Variants in DAB1 observed in about 807,000 individuals in gnomAD.
DAB1 encodes DAB adaptor protein 1.
Under a neutral mutation model 64.6 loss-of-function variants are expected in DAB1, and 15 were observed. That is an observed-to-expected ratio of 0.23 (90% CI 0.16 to 0.36). DAB1 has a LOEUF of 0.36. DAB1 is among the 10% of genes least tolerant of loss of function. The probability of loss-of-function intolerance (pLI) is 1.00; values close to 1 mark genes in which losing one functional copy is unlikely to be tolerated. For missense variants in DAB1, 596 were observed against 706.7 expected, an observed-to-expected ratio of 0.84 and a Z score of 1.78; for synonymous variants, 235 against 251.9, an observed-to-expected ratio of 0.93 and a Z score of 0.64.
At chr1:58,053,104 A>G (rs975867654) in intron 5 of DAB1, among the ~76,000 whole-genome samples, 1 of 152,166 alleles carries the variant, frequency 6.6e-6, no homozygotes, top group African/African-American at 2.4e-5. Flanking sequence ...GGCTTAATCT[A>G]TTCATGAGGG....
rs1295431503 is a variant in DAB1 at position 58,522,779 on chromosome 1, A to C, written n.107+4482T>G. Among the ~76,000 whole-genome samples, 3 of 152,214 alleles carry C rather than the reference A, an allele frequency of 2.0e-5. 1 individual carries two copies. The East Asian group carries it at 5.8e-4, about 29-fold the overall frequency. Reference sequence around the variant, plus strand: ...TTCTTACAATAAAATAAGCTAGAGAAAGGAAAATGTTATTAAGAAAACCAT... The same window carrying C: ...TTCTTACAATAAAATAAGCTAGAGACAGGAAAATGTTATTAAGAAAACCAT... On this transcript the variant is annotated intron_variant and non_coding_transcript_variant, in intron 2 of 20. Transcript: ENST00000485760.
intron 4 of DAB1, among the ~76,000 whole-genome samples, chr1:58,335,737 T>C (rs960698873): frequency 2.0e-5 from 3 of 152,146 alleles, no homozygotes; most frequent in Admixed American, 1.3e-4. Context: ...TTCTTGCTGA[T>C]ACACTGGCTA....
intron 3 of DAB1, chr1:58,505,992 G>C (rs1645982555): frequency 2.6e-6 from 2 of 772,088 alleles, no homozygotes; most frequent in Admixed American, 3.8e-5. Context: ...CTAAGCAAAA[G>C]AAGTGACAGC....
At chr1:57,105,164 A>G (rs1655028271) in intron 4 of DAB1, among the ~76,000 whole-genome samples, 1 of 152,090 alleles carries the variant, frequency 6.6e-6, no homozygotes, top group Non-Finnish European at 1.5e-5. Context: ...TTTGTAGGCA[A>G]ATCTGGATAT....
At chr1:57,117,220 G>C (rs114004406) in intron 4 of DAB1, among the ~76,000 whole-genome samples, 1 of 152,172 alleles carries the variant, frequency 6.6e-6, no homozygotes, top group Non-Finnish European at 1.5e-5. Flanking sequence ...ATAAAAAAGC[G>C]CTTTTCAATT....
chr1:57,001,157 G>T (rs1645849300), intron 14 of DAB1, among the ~76,000 whole-genome samples: 1 of 152,174 alleles, frequency 6.6e-6, no homozygotes, highest in African/African-American at 2.4e-5. Flanking sequence ...GACTTAGAGG[G>T]GAGCTAAAGA....
At chr1:57,436,752 G>A (rs575090690) in intron 7 of DAB1, among the ~76,000 whole-genome samples, 76 of 152,224 alleles carry the variant, frequency 5.0e-4, no homozygotes, top group African/African-American at 1.8e-3. Flanking sequence ...GCATAGGCTG[G>A]GTGCGGTGGC....
chr1:57,409,503 T>C (rs997188913), intron 1 of DAB1, among the ~76,000 whole-genome samples: 1 of 152,164 alleles, frequency 6.6e-6, no homozygotes, highest in African/African-American at 2.4e-5. Flanking sequence ...TTTCAATCTG[T>C]AGGTTAACTT....
chr1:57,696,646 T>C (rs1416858455), intron 6 of DAB1, among the ~76,000 whole-genome samples: 1 of 152,102 alleles, frequency 6.6e-6, no homozygotes, highest in Non-Finnish European at 1.5e-5. Flanking sequence ...CAGTTGGTAT[T>C]TGTCTAATTG....
intron 4 of DAB1, among the ~76,000 whole-genome samples, chr1:58,340,316 A>G (rs1643913014): frequency 6.6e-6 from 1 of 152,208 alleles, no homozygotes; most frequent in African/African-American, 2.4e-5. Context: ...ACAACAGTAG[A>G]GTAGCAGGAA....
intron 2 of DAB1, among the ~76,000 whole-genome samples, chr1:57,195,739 T>A (rs1664572844): frequency 6.6e-6 from 1 of 152,248 alleles, no homozygotes; most frequent in African/African-American, 2.4e-5. Context: ...TTCAGTTTCC[T>A]GGGCCATGAA....
intron 5 of DAB1, among the ~76,000 whole-genome samples, chr1:57,904,766 C>A (rs190211340): frequency 3.3e-5 from 5 of 152,062 alleles, no homozygotes; most frequent in African/African-American, 1.2e-4. Flanking sequence ...ATAAAGCCAG[C>A]GCAGCTTAAG....
chr1:57,899,194 T>G (rs1266553862), intron 5 of DAB1, among the ~76,000 whole-genome samples: 1 of 152,158 alleles, frequency 6.6e-6, no homozygotes, highest in Non-Finnish European at 1.5e-5. Flanking sequence ...TTTTCTTTCT[T>G]TTTTTCTTTT....
intron 5 of DAB1, among the ~76,000 whole-genome samples, chr1:57,967,562 G>A (rs913143728): frequency 6.6e-6 from 1 of 152,176 alleles, no homozygotes; most frequent in Admixed American, 6.6e-5. Flanking sequence ...AGAGGGACAA[G>A]GTGTAGAGTT....
intron 1 of DAB1, among the ~76,000 whole-genome samples, chr1:57,339,305 G>A (rs558732294): frequency 6.6e-5 from 10 of 152,140 alleles, no homozygotes; most frequent in East Asian, 3.9e-4. Context: ...ACAGGCGCCC[G>A]CCACCAAGCC....
downstream of DAB1, among the ~76,000 whole-genome samples, chr1:57,825,217 C>T (rs914011811): frequency 1.3e-5 from 2 of 152,194 alleles, no homozygotes; most frequent in Non-Finnish European, 2.9e-5. Context: ...GTTTAGGGCC[C>T]CTAGCTTGCT....
intron 3 of DAB1, among the ~76,000 whole-genome samples, chr1:58,439,421 T>G (rs1349842857): frequency 6.6e-6 from 1 of 152,154 alleles, no homozygotes; most frequent in African/African-American, 2.4e-5. Flanking sequence ...AAGCTCTTTA[T>G]TATAGAAGGG....
rs189700906 is a variant in DAB1, at chr1:57,369,046, T to A, written c.-137+54884A>T. Among the ~76,000 whole-genome samples, 248 of 152,238 alleles carry A rather than the reference T, an allele frequency of 1.6e-3. 1 individual carries two copies. The highest frequency in any genetic ancestry group is 5.5e-3 in the African/African-American group (227 of 41,548). ...CTCCATTGTGGTGCCAGAAAATGCA[T>A]AAAAGAATGCAAATCAAGGAGACAG... On this transcript the variant is annotated intron_variant, in intron 1 of 14. Transcript: ENST00000371236.
intron 5 of DAB1, among the ~76,000 whole-genome samples, chr1:57,931,267 G>A (rs1261619607): frequency 6.6e-6 from 1 of 151,974 alleles, no homozygotes; most frequent in Admixed American, 6.6e-5. Context: ...ATTTTGTTGA[G>A]GATTTTTACA....
Sources: gnomAD v4.1 joint callset for allele counts (sites outside exome capture counted in the v4.1 genomes callset) on GRCh38, gnomAD v4.1.1 for gene constraint, MANE v1.5 for transcripts, NCBI Gene and HGNC (gene_info 2026-07-23, HGNC 2026-07-21) for gene names.